The following KCNJ12 variants were observed in gnomAD, a reference collection of about 807,000 sequenced individuals.
KCNJ12 encodes ATP-sensitive inward rectifier potassium channel 12.
Under a neutral mutation model 22.3 loss-of-function variants are expected in KCNJ12, and 2 were observed. That is an observed-to-expected ratio of 0.09 (90% CI 0.04 to 0.28). The LOEUF is 0.28. Among genes scored for constraint, KCNJ12 ranks in the 10% least tolerant of loss-of-function variants. KCNJ12 has a pLI of 1.00. For missense variants in KCNJ12, 155 were observed against 633.3 expected, an observed-to-expected ratio of 0.24 and a Z score of 8.11; for synonymous variants, 117 against 261.4, an observed-to-expected ratio of 0.45 and a Z score of 5.33.
At chr17:21,383,460 T>C (rs1555558276) in intron 1 of KCNJ12, among the ~76,000 whole-genome samples, 2 of 152,086 alleles carry the variant, frequency 1.3e-5, no homozygotes, top group Non-Finnish European at 2.9e-5. Context: ...CCTGGCATGA[T>C]CACAGGGAGG....
chr17:21,413,806 G>T (rs1288990720), intron 2 of KCNJ12, among the ~76,000 whole-genome samples: 1 of 152,298 alleles, frequency 6.6e-6, no homozygotes, highest in Non-Finnish European at 1.5e-5. Flanking sequence ...GCCTGTCCTG[G>T]GGTGCCTGAA....
At position 21,376,758 on chromosome 17, in the gene KCNJ12, A is replaced by C. The variant is rs1555557306; in HGVS notation, c.-334A>C. 1 of 15,804 alleles carries C rather than the reference A, an allele frequency of 6.3e-5. No homozygotes were observed. The highest frequency in any genetic ancestry group is 1.6e-3 in the African/African-American group (1 of 622). The allele number at this position is 15,804 out of a possible 1,614,324, so 1.0% of individuals were successfully genotyped here. ...GACCAGGGCGATCCGCTTTGCAGAG[A>C]AGACGCGCCCCTCGGCATGGAGCGC... On this transcript the variant is annotated 5_prime_UTR_variant, in exon 1 of 3. Coordinates refer to ENST00000583088, the MANE Select transcript of KCNJ12 (RefSeq NM_021012.5). This position sits in a 1 kb window ranked among gnomAD's most constrained non-coding sequence, Gnocchi z 5.3.
At chr17:21,406,152 A>C (rs1298259241) in intron 1 of KCNJ12, among the ~76,000 whole-genome samples, 9 of 152,304 alleles carry the variant, frequency 5.9e-5, no homozygotes, top group Non-Finnish European at 1.3e-4. Context: ...TTCCAGCTCC[A>C]GGTGACTGGG....
intron 1 of KCNJ12, among the ~76,000 whole-genome samples, chr17:21,380,522 C>A (rs564345916): frequency 2.7e-4 from 41 of 152,216 alleles, no homozygotes; most frequent in Non-Finnish European, 4.9e-4. Flanking sequence ...GGCCTCAGTT[C>A]ATCATCTGTG....
At chr17:21,411,725 C>T (rs1906360282) in intron 2 of KCNJ12, among the ~76,000 whole-genome samples, 1 of 152,310 alleles carries the variant, frequency 6.6e-6, no homozygotes, top group Non-Finnish European at 1.5e-5. Context: ...TCTCTGATTT[C>T]ATGTCTTGTC....
chr17:21,400,491 G>A (rs1252665824), intron 1 of KCNJ12, among the ~76,000 whole-genome samples: 35 of 152,234 alleles, frequency 2.3e-4, no homozygotes, highest in African/African-American at 8.5e-4. Flanking sequence ...CCGGGCACAG[G>A]GCTGACCACC....
chr17:21,401,995 A>C (rs4360985), intron 1 of KCNJ12, among the ~76,000 whole-genome samples: 1 of 149,292 alleles, frequency 6.7e-6, no homozygotes, highest in Non-Finnish European at 1.5e-5. Context: ...TCTGGCATGC[A>C]GCTTCCTCTG....
At chr17:21,383,507 C>T (rs1555558280) in intron 1 of KCNJ12, among the ~76,000 whole-genome samples, 1 of 152,160 alleles carries the variant, frequency 6.6e-6, no homozygotes, top group African/African-American at 2.4e-5. Flanking sequence ...TCCAGGGGTG[C>T]TGGGATCTGG....
intron 1 of KCNJ12, among the ~76,000 whole-genome samples, chr17:21,404,406 C>G (rs4997624): frequency 6.9e-6 from 1 of 144,572 alleles, no homozygotes; most frequent in Non-Finnish European, 1.5e-5. Flanking sequence ...CCTGGGCTCC[C>G]GAGGGCCCAG....
intron 2 of KCNJ12, among the ~76,000 whole-genome samples, chr17:21,412,028 TCACA>T (rs146886374): frequency 3.6e-5 from 4 of 112,202 alleles, no homozygotes; most frequent in South Asian, 3.3e-4. Context: ...TCTCTCTCTC[TCACA>T]CACACACACA....
intron 1 of KCNJ12, among the ~76,000 whole-genome samples, chr17:21,404,748 C>T (rs1905831029): frequency 6.6e-6 from 1 of 152,266 alleles, no homozygotes; most frequent in African/African-American, 2.4e-5. Context: ...GGGCCAAGGA[C>T]ACCCTCTCTC....
Position 21,418,785 on chromosome 17 carries a change from C to G in KCNJ12, c.*2141C>G, listed in dbSNP as rs868977943. 1 of 167,254 alleles carries G rather than the reference C, an allele frequency of 6.0e-6. No individual in the cohort carries two copies. The highest frequency in any genetic ancestry group is 2.4e-5 in the African/African-American group (1 of 41,466). 10.4% of individuals were successfully genotyped at this position (167,254 alleles called of 1,614,324 possible). On this transcript the variant is annotated 3_prime_UTR_variant, in exon 3 of 3. Transcript: ENST00000583088. ...GAAGTTGGCAGGGGAGAGCTTGACA[C>G]TTCGCCTCCCTGATGGCCATGCTGA...
chr17:21,393,599 G>C (rs1345896790), intron 1 of KCNJ12, among the ~76,000 whole-genome samples: 3 of 152,228 alleles, frequency 2.0e-5, no homozygotes, highest in Non-Finnish European at 4.4e-5. Context: ...GGAGGCCGGA[G>C]GGCAGCACAC....
chr17:21,381,100 C>T (rs746598856), intron 1 of KCNJ12, among the ~76,000 whole-genome samples: 13 of 152,208 alleles, frequency 8.5e-5, no homozygotes, highest in Non-Finnish European at 1.9e-4. Flanking sequence ...CCCCAGGGAG[C>T]AGTTCCGCCT....
At chr17:21,387,469 A>AAT (rs1555558815) in intron 1 of KCNJ12, among the ~76,000 whole-genome samples, 1 of 150,878 alleles carries the variant, frequency 6.6e-6, no homozygotes. Context: ...AAAAAAAGAA[A>AAT]CGTTCTCTTT....
intron 2 of KCNJ12, among the ~76,000 whole-genome samples, chr17:21,414,162 C>T (rs1263084650): frequency 4.6e-5 from 7 of 152,392 alleles, no homozygotes; most frequent in African/African-American, 1.4e-4. Context: ...TGGCAGGCCG[C>T]ATTCTAGGCC....
intron 1 of KCNJ12, among the ~76,000 whole-genome samples, chr17:21,395,013 G>A (rs1363540741): frequency 3.3e-5 from 5 of 152,146 alleles, no homozygotes; most frequent in Admixed American, 1.3e-4. Flanking sequence ...AAGTGTTGAT[G>A]ATGCCTGGGC....
Position 21,419,203 on chromosome 17 carries a change from G to A in KCNJ12, c.*2559G>A, listed in dbSNP as rs1310120810. The A allele has an allele frequency of 1.2e-5, 2 of 167,080 alleles. No individual in the cohort carries two copies. Among genetic ancestry groups the A allele is most frequent in the African/African-American group, 2.4e-5 (1 of 41,426 alleles). 10.3% of individuals were successfully genotyped at this position (167,080 alleles called of 1,614,324 possible). A position where few individuals can be genotyped will look rare whatever the true frequency, so the allele number is the denominator to read the frequency against. On this transcript the variant is annotated 3_prime_UTR_variant, in exon 3 of 3. Transcript: ENST00000583088. ...TGTGTGTGTGGAGGCGTGTGCCTGT[G>A]TGAGCCTGCATGCATACATGTGTGG...
At chr17:21,401,999 TC>T (rs1905644339) in intron 1 of KCNJ12, among the ~76,000 whole-genome samples, 1 of 152,210 alleles carries the variant, frequency 6.6e-6, no homozygotes, top group East Asian at 1.9e-4. Flanking sequence ...GCATGCAGCT[TC>T]CTCTGAGCGC....
Sources: gnomAD v4.1 joint callset for allele counts (sites outside exome capture counted in the v4.1 genomes callset) on GRCh38, gnomAD v4.1.1 for gene constraint, Gnocchi (gnomAD v3.1) non-coding constraint, MANE v1.5 for transcripts, NCBI Gene and HGNC (gene_info 2026-07-23, HGNC 2026-07-21) for gene names.